The following AHI1 variants were observed in gnomAD, a reference collection of about 807,000 sequenced individuals.
The protein encoded by AHI1 is jouberin.
Under a neutral mutation model 149.3 loss-of-function variants are expected in AHI1, and 123 were observed. The observed-to-expected ratio is 0.82, with a 90% CI of 0.71 to 0.96. The LOEUF (loss-of-function observed/expected upper bound fraction) is 0.96, where lower values mean the gene tolerates loss of function less well. Among genes scored for constraint, AHI1 ranks in the 40% least tolerant of loss-of-function variants. The pLI, the probability that AHI1 is intolerant of heterozygous loss-of-function variation, is 0.00. For synonymous variants in AHI1, 475 were observed against 459.8 expected (o/e 1.03, Z -0.42); for missense variants, 1,439 against 1,422.7 (o/e 1.01, Z -0.18).
chr6:135,358,478 T>C (rs1431374145), intron 23 of AHI1, among the ~76,000 whole-genome samples: 1 of 152,212 alleles, frequency 6.6e-6, no homozygotes, highest in Non-Finnish European at 1.5e-5. Flanking sequence ...ATTACACCAT[T>C]ATCTGGGCTC....
chr6:135,318,363 C>T lies in AHI1; in HGVS notation c.3426+156G>A, dbSNP rs931519427. 3.4e-5 allele frequency: 21 copies of T among 610,366 alleles called. No individual in the cohort carries two copies. In the Admixed American group the frequency reaches 4.0e-4, roughly 12 times the overall value. The allele number at this position is 610,366 out of a possible 1,614,324, so 37.8% of individuals were successfully genotyped here. On this transcript the variant is annotated intron_variant, in intron 26 of 28. Coordinates refer to ENST00000265602, the MANE Select transcript of AHI1 (RefSeq NM_001134831.2). ...TTCCTTATCTGGAAAATGGCTATAA[C>T]GTTTGCCTTATGTATTTCATAATGA... is the stretch of plus-strand genomic sequence containing the variant.
At chr6:135,306,170 TATGTGTTA>T (rs1784514938) in intron 26 of AHI1, among the ~76,000 whole-genome samples, 1 of 152,166 alleles carries the variant, frequency 6.6e-6, no homozygotes, top group African/African-American at 2.4e-5. Flanking sequence ...GCACTCAAAG[TATGTGTTA>T]AATGAATAAA....
intron 27 of AHI1, among the ~76,000 whole-genome samples, chr6:135,290,913 A>AACACACACACACACACACACACACAC (rs574033007): frequency 2.1e-5 from 3 of 146,176 alleles, no homozygotes; most frequent in African/African-American, 7.6e-5. Context: ...AACACACACA[A>AACACACACACACACACACACACACAC]ACACACACAC....
chr6:135,490,031 A>G (rs1215530464), intron 5 of AHI1: 7 of 607,902 alleles, frequency 1.2e-5, no homozygotes, highest in Non-Finnish European at 2.0e-5. Flanking sequence ...GGCATAGAGC[A>G]TTAACTGTGG....
rs146261961 is a variant in AHI1, at chr6:135,385,660, T to C, written c.3109+9116A>G. On this transcript the variant is annotated intron_variant, in intron 23 of 28. Transcript: ENST00000265602. Reference sequence around the variant, plus strand: ...CTATCTGACTATGAAACCTGTGAATTTGGAATCAGCATATTTGTATGGGGG... The same window carrying C: ...CTATCTGACTATGAAACCTGTGAATCTGGAATCAGCATATTTGTATGGGGG... 2.0e-3 allele frequency among the ~76,000 whole-genome samples: 306 copies of C among 152,302 alleles called. 1 individual carries two copies. Among genetic ancestry groups the C allele is most frequent in the African/African-American group, 7.0e-3 (293 of 41,566 alleles).
intron 6 of AHI1, 57 bp downstream of exon 6, chr6:135,467,524 T>C (rs2128100652): frequency 6.5e-6 from 9 of 1,387,232 alleles, no homozygotes; most frequent in Middle Eastern, 3.6e-4. Flanking sequence ...TATTCCTCAA[T>C]TTGTTTTTAG....
chr6:135,368,822 C>T (rs982190523), intron 23 of AHI1, among the ~76,000 whole-genome samples: 1 of 152,222 alleles, frequency 6.6e-6, no homozygotes, highest in Non-Finnish European at 1.5e-5. Context: ...CTACAAGCCT[C>T]CCTTCTGAGA....
At chr6:135,371,754 G>GAA (rs543706682) in intron 23 of AHI1, among the ~76,000 whole-genome samples, 338 of 152,328 alleles carry the variant, frequency 2.2e-3, no homozygotes, top group Non-Finnish European at 3.9e-3. Flanking sequence ...AAACCCTGGA[G>GAA]TATATATCAG....
intron 20 of AHI1, among the ~76,000 whole-genome samples, chr6:135,425,714 T>G (rs1235017108): frequency 1.3e-5 from 2 of 151,594 alleles, no homozygotes; most frequent in South Asian, 2.1e-4. Flanking sequence ...AAACCCCATT[T>G]TTTTAGACTC....
chr6:135,307,334 A>G (rs1382291851), intron 26 of AHI1, among the ~76,000 whole-genome samples: 4 of 152,228 alleles, frequency 2.6e-5, no homozygotes, highest in African/African-American at 4.8e-5. Context: ...TAAAAATAAT[A>G]GCATACAGTT....
intron 5 of AHI1, among the ~76,000 whole-genome samples, chr6:135,475,543 A>G (rs1792467623): frequency 6.6e-6 from 1 of 152,248 alleles, no homozygotes; most frequent in African/African-American, 2.4e-5. Flanking sequence ...GAGTCTGAGC[A>G]GCTGAGGTCG....
At chr6:135,391,556 C>T (rs913879252) in intron 23 of AHI1, among the ~76,000 whole-genome samples, 2 of 152,052 alleles carry the variant, frequency 1.3e-5, no homozygotes, top group African/African-American at 4.8e-5. Context: ...GGTCAGGACC[C>T]CTGATCTAGG....
At chr6:135,364,921 A>AAGAGGGAGAGGGAGAGGAAGAGGG (rs1773930109) in intron 23 of AHI1, among the ~76,000 whole-genome samples, 6 of 151,016 alleles carry the variant, frequency 4.0e-5, no homozygotes, top group African/African-American at 1.2e-4. Context: ...GAGGAAGAGG[A>AAGAGGGAGAGGGAGAGGAAGAGGG]AGAGGGAGAG....
At chr6:135,468,216 T>A (rs1211308286) in intron 5 of AHI1, among the ~76,000 whole-genome samples, 3 of 151,984 alleles carry the variant, frequency 2.0e-5, no homozygotes, top group Non-Finnish European at 2.9e-5. Flanking sequence ...TCCAAAAAAA[T>A]TCACTAATCA....
At chr6:135,403,504 G>A (rs1228947748) in intron 22 of AHI1, among the ~76,000 whole-genome samples, 1 of 152,116 alleles carries the variant, frequency 6.6e-6, no homozygotes, top group East Asian at 1.9e-4. Context: ...TTCCAGATTA[G>A]TAGAGGCTGT....
chr6:135,352,444 A>T (rs917238976), intron 24 of AHI1, among the ~76,000 whole-genome samples: 3 of 152,028 alleles, frequency 2.0e-5, no homozygotes, highest in Non-Finnish European at 2.9e-5. Context: ...ATTCTTTTAA[A>T]AATCCCATCC....
At chr6:135,450,998 C>T (rs1788003018) in intron 11 of AHI1, among the ~76,000 whole-genome samples, 1 of 122,342 alleles carries the variant, frequency 8.2e-6, no homozygotes, top group South Asian at 2.8e-4. Context: ...GTCTTCATGC[C>T]ACTTCCCTTT....
chr6:135,367,280 A>C (rs1266847062), intron 23 of AHI1, among the ~76,000 whole-genome samples: 1 of 152,182 alleles, frequency 6.6e-6, no homozygotes, highest in African/African-American at 2.4e-5. Context: ...CTTTTGCCTC[A>C]CAGCTCTTAA....
chr6:135,311,778 C>A (rs1785243742), intron 26 of AHI1, among the ~76,000 whole-genome samples: 1 of 152,180 alleles, frequency 6.6e-6, no homozygotes, highest in Non-Finnish European at 1.5e-5. Context: ...CTGTTAGATG[C>A]AATTTGTAGC....
Sources: gnomAD v4.1 joint callset for allele counts (sites outside exome capture counted in the v4.1 genomes callset) on GRCh38, gnomAD v4.1.1 for gene constraint, MANE v1.5 for transcripts, NCBI Gene and HGNC (gene_info 2026-07-23, HGNC 2026-07-21) for gene names.